Variants in ASTN2 observed in about 807,000 individuals in gnomAD.
ASTN2 encodes the protein astrotactin-2.
Under a neutral mutation model 139.8 loss-of-function variants are expected in ASTN2, and 54 were observed. That is an observed-to-expected ratio of 0.39 (90% confidence interval 0.31 to 0.48). ASTN2 has a LOEUF of 0.48. Among genes scored for constraint, ASTN2 ranks in the 20% least tolerant of loss-of-function variants. The pLI is 0.95. For missense variants in ASTN2, 1,565 were observed against 1,725.1 expected (o/e 0.91, Z 1.64); for synonymous variants, 756 against 719.5 (o/e 1.05, Z -0.81).
intron 19 of ASTN2, among the ~76,000 whole-genome samples, chr9:116,595,470 G>A (rs1356770329): frequency 6.6e-6 from 1 of 152,072 alleles, no homozygotes; most frequent in African/African-American, 2.4e-5. Context: ...GGGACTACAG[G>A]GGCGCACCAC....
chr9:116,577,234 A>T (rs1156569379), intron 19 of ASTN2, among the ~76,000 whole-genome samples: 4 of 152,186 alleles, frequency 2.6e-5, no homozygotes, highest in Admixed American at 6.5e-5. Flanking sequence ...AAGACACAAG[A>T]ATACATGTTA....
intron 19 of ASTN2, among the ~76,000 whole-genome samples, chr9:116,600,344 A>AAAAAG (rs1554719076): frequency 5.6e-5 from 8 of 142,496 alleles, no homozygotes; most frequent in Non-Finnish European, 1.2e-4. Context: ...AAAAAAAAAA[A>AAAAAG]AAAGAAAGAA....
chr9:116,766,383 A>C (rs1829807947), intron 13 of ASTN2, among the ~76,000 whole-genome samples: 1 of 151,970 alleles, frequency 6.6e-6, no homozygotes, highest in Non-Finnish European at 1.5e-5. Flanking sequence ...ATTCACATAC[A>C]TGCCCTCACA....
chr9:117,226,537 AC>A (rs1293756890), intron 2 of ASTN2, among the ~76,000 whole-genome samples: 1 of 152,138 alleles, frequency 6.6e-6, no homozygotes, highest in Non-Finnish European at 1.5e-5. Flanking sequence ...TCCTTACCTT[AC>A]CCCCTTATAA....
intron 2 of ASTN2, among the ~76,000 whole-genome samples, chr9:117,241,928 C>G (rs569382347): frequency 6.0e-5 from 9 of 150,206 alleles, no homozygotes; most frequent in South Asian, 2.1e-4. Flanking sequence ...CAAGTTACCC[C>G]CCCCCACACA....
rs910039945 is a variant in ASTN2 at position 117,112,255 on chromosome 9, G to GT, written c.1169-16105dup. On this transcript the variant is annotated intron_variant, in intron 4 of 22. Coordinates refer to ENST00000313400, the MANE Select transcript of ASTN2 (RefSeq NM_001365068.1). ...AAATACAAGTTATAATCCCAACAAG[G>GT]TTTTTTTTTTTGTTTTGGTAGAAAT... Among the ~76,000 whole-genome samples, 220 of 145,142 alleles carry GT rather than the reference G, an allele frequency of 1.5e-3. 1 individual carries two copies. Among genetic ancestry groups the GT allele is most frequent in the Middle Eastern group, 3.7e-3 (1 of 272 alleles).
At chr9:116,599,441 G>T (rs886212600) in intron 19 of ASTN2, among the ~76,000 whole-genome samples, 2 of 152,186 alleles carry the variant, frequency 1.3e-5, no homozygotes, top group Non-Finnish European at 2.9e-5. Context: ...AATGATTATT[G>T]GCTATCATCT....
At chr9:116,936,127 A>AT in intron 10 of ASTN2, among the ~76,000 whole-genome samples, 1 of 588 alleles carries the variant, frequency 1.7e-3, no homozygotes, top group African/African-American at 7.5e-3. Flanking sequence ...CACCACTACC[A>AT]CCACCACCAC....
chr9:117,223,821 G>T (rs1389109235), intron 2 of ASTN2, among the ~76,000 whole-genome samples: 1 of 151,936 alleles, frequency 6.6e-6, no homozygotes, highest in Non-Finnish European at 1.5e-5. Flanking sequence ...TTTGCCTCTA[G>T]ACAGATATAC....
intron 4 of ASTN2, among the ~76,000 whole-genome samples, chr9:117,113,681 A>C (rs1476241752): frequency 3.3e-5 from 5 of 151,732 alleles, no homozygotes; most frequent in Admixed American, 6.6e-5. Flanking sequence ...AACAAAACAA[A>C]AAAAAAAGGA....
intron 1 of ASTN2, 67 bp from the exon 2 acceptor site, chr9:117,291,580 G>A: frequency 6.9e-7 from 1 of 1,455,626 alleles, no homozygotes; most frequent in Non-Finnish European, 9.3e-7. Context: ...GGGAGGAAAA[G>A]AGCCCACATA....
chr9:117,359,657 A>T (rs10983635), intron 1 of ASTN2, among the ~76,000 whole-genome samples: 53,064 of 152,062 alleles, frequency 0.35, 9,554 homozygotes, highest in Middle Eastern at 0.4. Flanking sequence ...TCTTCTGATC[A>T]GTAGCCAGCA....
At chr9:116,828,286 G>A (rs1473122718) in intron 11 of ASTN2, among the ~76,000 whole-genome samples, 2 of 117,072 alleles carry the variant, frequency 1.7e-5, no homozygotes, top group African/African-American at 3.3e-5. Context: ...GGGCAACAGA[G>A]CGAGACTCCG....
At chr9:117,365,801 T>C (rs987883963) in intron 1 of ASTN2, among the ~76,000 whole-genome samples, 2 of 152,166 alleles carry the variant, frequency 1.3e-5, no homozygotes, top group African/African-American at 4.8e-5. Flanking sequence ...TTGCCAAGGG[T>C]GAAGGCAGCT....
rs1364833264 is a variant in ASTN2, at chr9:116,459,103, C to T, written c.3498-16550G>A. ...TTGACAGCCCAGAAATAAACTCATA[C>T]ATTTATGGTCAATTGTTTTTCAAGG... On this transcript the variant is annotated intron_variant, in intron 20 of 22. Transcript: ENST00000313400. Among the ~76,000 whole-genome samples, 3 of 151,964 alleles carry T rather than the reference C, an allele frequency of 2.0e-5. No homozygotes were observed. The East Asian group carries it at 5.8e-4, about 29-fold the overall frequency.
At chr9:116,606,881 G>GTGAAAAATA (rs1291437871) in intron 19 of ASTN2, among the ~76,000 whole-genome samples, 1 of 152,112 alleles carries the variant, frequency 6.6e-6, no homozygotes, top group African/African-American at 2.4e-5. Context: ...CTGAGAAGTG[G>GTGAAAAATA]TGAAAAATAA....
chr9:117,389,971 A>C (rs1830500304), intron 1 of ASTN2, among the ~76,000 whole-genome samples: 1 of 152,134 alleles, frequency 6.6e-6, no homozygotes, highest in Admixed American at 6.5e-5. Flanking sequence ...TCTGGAAAGC[A>C]AAAGAAATGC....
intron 20 of ASTN2, among the ~76,000 whole-genome samples, chr9:116,446,255 GGA>G (rs373227100): frequency 4.4e-5 from 5 of 113,974 alleles, no homozygotes; most frequent in Non-Finnish European, 8.7e-5. Context: ...GAGGGGAGAG[GGA>G]GAGAGAGAGA....
At chr9:116,528,015 A>G (rs1587941212) in intron 19 of ASTN2, among the ~76,000 whole-genome samples, 1 of 152,240 alleles carries the variant, frequency 6.6e-6, no homozygotes, top group East Asian at 1.9e-4. Context: ...AATACAGAAA[A>G]TTGGTACCAG....
Sources: gnomAD v4.1 joint callset for allele counts (sites outside exome capture counted in the v4.1 genomes callset) on GRCh38, gnomAD v4.1.1 for gene constraint, MANE v1.5 for transcripts, NCBI Gene and HGNC (gene_info 2026-07-23, HGNC 2026-07-21) for gene names.